The following NSUN2 variants were observed in gnomAD, a reference collection of about 807,000 sequenced individuals.
The protein encoded by NSUN2 is NOP2/Sun RNA methyltransferase 2.
NSUN2 carries 63 observed loss-of-function variants against 92.7 expected under a neutral mutation model. The ratio of observed to expected loss-of-function variants is 0.68; its 90% CI spans 0.56 to 0.84. The LOEUF is 0.84. Ranked by LOEUF, NSUN2 falls within the 40% of genes least tolerant of loss-of-function variation. The pLI, the probability that NSUN2 is intolerant of heterozygous loss-of-function variation, is 0.00. For missense variants in NSUN2, 989 were observed against 964.9 expected (o/e 1.02, Z -0.33); for synonymous variants, 356 against 348.3 (o/e 1.02, Z -0.25).
intron 3 of NSUN2, among the ~76,000 whole-genome samples, chr5:6,630,797 G>T (rs1737849846): frequency 6.6e-6 from 1 of 152,160 alleles, no homozygotes; most frequent in Non-Finnish European, 1.5e-5. Flanking sequence ...AAAAGTTGAT[G>T]CAAAACGCTT....
In NSUN2 at chr5:6,600,168, T is replaced by A; in HGVS notation, c.2062A>T (p.Thr688Ser). 1 of 1,614,184 alleles carries A rather than the reference T, an allele frequency of 6.2e-7. No individual in the cohort carries two copies. Among genetic ancestry groups the A allele is most frequent in the Non-Finnish European group, 8.5e-7 (1 of 1,180,022 alleles). The change falls in exon 19 of 19, where the codon ACT becomes TCT. Residue 688 changes from threonine (T) to serine (S), a missense_variant. Thr to Ser is a moderately conservative substitution (Grantham distance 58). Transcript: ENST00000264670. ...AGCCGTTCATTCTTGGGCACAAAAG[T>A]TCGAATGGAGGCCTTTCCCCGCCAT... is the stretch of plus-strand genomic sequence containing the variant. ...CGWRGKASIR[T>S]FVPKNERLHY... is the part of the protein sequence containing the mutation.
At chr5:6,623,404 G>C (rs1737539991) in intron 4 of NSUN2, 119 bp from the exon 5 acceptor site, 1 of 780,652 alleles carries the variant, frequency 1.3e-6, no homozygotes, top group Non-Finnish European at 2.0e-6. Flanking sequence ...TATACAGAAT[G>C]AGAGAACTCA....
chr5:6,600,379 G>T, intron 18 of NSUN2, 147 bp from the exon 19 acceptor site: 1 of 695,222 alleles, frequency 1.4e-6, no homozygotes, highest in Non-Finnish European at 2.3e-6. Context: ...CATTTCATCT[G>T]GATCCGAGGG....
chr5:6,599,886 T>TGCGTGTGAG lies in NSUN2; in HGVS notation c.*31_*39dup, dbSNP rs757705205. 3.3e-5 allele frequency: 53 copies of TGCGTGTGAG among 1,584,576 alleles called. No homozygotes were observed. The highest frequency in any genetic ancestry group is 4.3e-5 in the Non-Finnish European group (50 of 1,163,410). On this transcript the variant is annotated 3_prime_UTR_variant, in exon 19 of 19. Coordinates refer to ENST00000264670, the MANE Select transcript of NSUN2 (RefSeq NM_017755.6). Reference sequence around the variant, plus strand: ...ACCAGTGACCAGAAGAAGCCAGTTTTGCGTGTGAGGGGTGTGGGCCCCCGC... The same window carrying TGCGTGTGAG: ...ACCAGTGACCAGAAGAAGCCAGTTTTGCGTGTGAGGCGTGTGAGGGGTGTGGGCCCCCGC...
At chr5:6,602,907 G>A (rs1736614013) in intron 17 of NSUN2, among the ~76,000 whole-genome samples, 1 of 152,196 alleles carries the variant, frequency 6.6e-6, no homozygotes, top group Admixed American at 6.5e-5. Flanking sequence ...TCTAAGTGCA[G>A]GATTAAAAGA....
rs1736480051 is a variant in NSUN2, at chr5:6,599,987, T to C, written c.2243A>G (p.Glu748Gly). ...TGCTGTCACGTCTGGACTGTTGGCC[T>C]CTTCTGCATCTGGGCTGTTGGGCTC... ...AGEPNSPDAE[E>G]ANSPDVTAGC... is the part of the protein sequence containing the mutation. Residue 748 changes from glutamate to glycine, a missense_variant, in exon 19 of 19, where the codon GAG (glutamate) becomes GGG (glycine). Around this residue, in one of 3 missense-constraint regions of NSUN2, gnomAD observed 626 missense variants for 602.3 expected, o/e 1.04. Transcript: ENST00000264670. 1 of 1,614,246 alleles carries C rather than the reference T, an allele frequency of 6.2e-7. No individual in the cohort carries two copies.
At chr5:6,604,966 G>A (rs944597356) in intron 15 of NSUN2, 3 of 594,126 alleles carry the variant, frequency 5.0e-6, no homozygotes, top group Non-Finnish European at 8.9e-6. Context: ...AGTACTCGCA[G>A]CCTCTACACC....
intron 18 of NSUN2, among the ~76,000 whole-genome samples, chr5:6,601,798 C>G (rs142909033): frequency 7.2e-5 from 11 of 152,262 alleles, no homozygotes; most frequent in African/African-American, 1.9e-4. Context: ...TCTGTTTCCT[C>G]CTCTCAGAAA....
At chr5:6,625,517 C>T (rs1376787203) in intron 4 of NSUN2, 47 bp downstream of exon 4, 2 of 1,360,430 alleles carry the variant, frequency 1.5e-6, no homozygotes, top group Non-Finnish European at 1.1e-6. Context: ...TACATCTATG[C>T]ATTTACAGCT....
chr5:6,617,874 A>G, intron 8 of NSUN2, 76 bp downstream of exon 8: 1 of 1,106,412 alleles, frequency 9.0e-7, no homozygotes, highest in Non-Finnish European at 1.3e-6. Context: ...TAAAGATCGG[A>G]TGCTCACTTG....
Position 6,607,307 on chromosome 5 carries a change from A to G in NSUN2, c.1401T>C (p.Asp467=). Residue 467 remains aspartate (D), a synonymous_variant, in exon 13 of 19, where the codon GAT becomes GAC. Coordinates refer to ENST00000264670, the MANE Select transcript of NSUN2 (RefSeq NM_017755.6). ...ATGACGGACTTTCCAGCTTAGAGGG[A>G]TCTGTGGGTTTCCCTTCTGTGAGAT... is the stretch of plus-strand genomic sequence containing the variant. ...PADLTEGKPT[D]PSKLESPSFT... The G allele has an allele frequency of 6.2e-7, 1 of 1,614,046 alleles. No individual in the cohort carries two copies. Among genetic ancestry groups the G allele is most frequent in the East Asian group, 2.2e-5 (1 of 44,862 alleles).
intron 9 of NSUN2, among the ~76,000 whole-genome samples, chr5:6,616,248 A>G (rs1017669210): frequency 6.6e-6 from 1 of 152,226 alleles, no homozygotes; most frequent in African/African-American, 2.4e-5. Context: ...AGTGGAAGAA[A>G]CCCAGATGTC....
intron 2 of NSUN2, 53 bp from the exon 3 acceptor site, chr5:6,632,030 T>G (rs114793623): frequency 7.4e-7 from 1 of 1,349,264 alleles, no homozygotes; most frequent in African/African-American, 1.5e-5. Flanking sequence ...AGTTAATACA[T>G]TGTATCTTCT....
chr5:6,607,120 GTGGCTC>G, intron 13 of NSUN2, 74 bp downstream of exon 13: 1 of 1,440,504 alleles, frequency 6.9e-7, no homozygotes, highest in Non-Finnish European at 9.7e-7. Context: ...CGACCAAGAA[GTGGCTC>G]TGGGATCCCA....
intron 3 of NSUN2, among the ~76,000 whole-genome samples, chr5:6,628,939 G>A (rs1164249698): frequency 2.6e-5 from 4 of 152,212 alleles, no homozygotes. Context: ...GAGCTACTCA[G>A]GAGGCTGAGG....
intron 9 of NSUN2, among the ~76,000 whole-genome samples, chr5:6,612,774 C>T (rs1301873494): frequency 6.6e-6 from 1 of 152,238 alleles, no homozygotes; most frequent in African/African-American, 2.4e-5. Context: ...ATGCGGGCTT[C>T]TCCATCAAAC....
At chr5:6,632,153 CTGTT>C (rs1235216838) in intron 2 of NSUN2, among the ~76,000 whole-genome samples, 176 bp from the exon 3 acceptor site, 4 of 152,140 alleles carry the variant, frequency 2.6e-5, no homozygotes, top group East Asian at 3.8e-4. Flanking sequence ...GCAATCCACA[CTGTT>C]TGAGCCCTAA....
intron 3 of NSUN2, among the ~76,000 whole-genome samples, chr5:6,628,123 G>A (rs779227441): frequency 2.0e-4 from 30 of 152,196 alleles, no homozygotes; most frequent in African/African-American, 3.1e-4. Context: ...CAAGGTGGGC[G>A]GATCACTTGA....
chr5:6,610,051 A>C, intron 11 of NSUN2, 129 bp from the exon 12 acceptor site: 1 of 591,514 alleles, frequency 1.7e-6, no homozygotes, highest in Non-Finnish European at 2.8e-6. Context: ...AGAATGGCCA[A>C]TATGTAAACT....
Sources: gnomAD v4.1 joint callset for allele counts (sites outside exome capture counted in the v4.1 genomes callset) on GRCh38, gnomAD v4.1.1 for gene constraint, gnomAD v4.1.1 regional missense constraint, MANE v1.5 for transcripts, NCBI Gene and HGNC (gene_info 2026-07-23, HGNC 2026-07-21) for gene names.